COL18A1: variants seen among roughly 807,000 people sequenced by gnomAD.
The protein encoded by COL18A1 is collagen alpha-1(XVIII) chain.
A neutral mutation model predicts 168.0 loss-of-function variants in COL18A1; 133 were observed. The ratio of observed to expected loss-of-function variants is 0.79; its 90% CI spans 0.69 to 0.91. The LOEUF is 0.91. Among genes scored for constraint, COL18A1 ranks in the 40% least tolerant of loss-of-function variants. The pLI, the probability that COL18A1 is intolerant of heterozygous loss-of-function variation, is 0.00. For synonymous variants in COL18A1, 949 were observed against 809.0 expected, an observed-to-expected ratio of 1.17 and a Z score of -2.94; for missense variants, 2,126 against 1,925.4, an observed-to-expected ratio of 1.10 and a Z score of -1.95.
chr21:45,503,667 G>A (rs1452711665), intron 32 of COL18A1, among the ~76,000 whole-genome samples: 70 of 150,044 alleles, frequency 4.7e-4, no homozygotes, highest in South Asian at 1.3e-3. Context: ...GGATAGCATT[G>A]GGAGATATAC....
rs1429501232 is a variant in COL18A1 at position 45,477,837 on chromosome 21, C to G, written c.1093C>G (p.Pro365Ala). Residue 365 changes from proline (P) to alanine (A), a missense_variant, in exon 8 of 42, where the codon CCC (proline) becomes GCC (alanine). Pro to Ala is a conservative substitution (Grantham distance 27, BLOSUM62 -1). Coordinates refer to ENST00000651438, the MANE Select transcript of COL18A1 (RefSeq NM_001379500.1). ...GPPGSPCLPG[P>A]PGLPCPVSPL... ...CCCAGGATCCCCATGCCTACCTGGT[C>G]CCCCGGGTCTCCCGTGCCCAGTGAG... The G allele has an allele frequency of 6.4e-7, 1 of 1,552,756 alleles. No individual in the cohort carries two copies. Among genetic ancestry groups the G allele is most frequent in the Non-Finnish European group, 8.7e-7 (1 of 1,147,958 alleles).
chr21:45,506,985 TGCAGCCC>T, intron 37 of COL18A1: 1 of 279,488 alleles, frequency 3.6e-6, no homozygotes, highest in South Asian at 3.4e-5. Flanking sequence ...GGCACCCGGA[TGCAGCCC>T]CATCCTAACT....
At chr21:45,499,630 A>ATCC (rs2036671369) in intron 32 of COL18A1, among the ~76,000 whole-genome samples, 1 of 148,316 alleles carries the variant, frequency 6.7e-6, no homozygotes, top group African/African-American at 2.5e-5. Flanking sequence ...AGGAACCGGC[A>ATCC]CAGGCTGCAC....
chr21:45,451,300 G>T (rs1171833253), intron 2 of COL18A1, among the ~76,000 whole-genome samples: 1 of 152,354 alleles, frequency 6.6e-6, no homozygotes, highest in East Asian at 1.9e-4. Flanking sequence ...GTCAACCCAA[G>T]GTCAAACTCC....
rs138241136 is a variant in COL18A1 at position 45,495,715 on chromosome 21, TAC to T, written c.2508+286_2508+287del. The T allele has an allele frequency of 1.7e-3, 727 of 429,500 alleles. 5 individuals are homozygous for T. The highest frequency in any genetic ancestry group is 3.9e-3 in the African/African-American group (192 of 49,300). The allele number at this position is 429,500 out of a possible 1,614,324, so 26.6% of individuals were successfully genotyped here. ...ACATGCCCATACACACGCGCACACA[TAC>T]ACGCACACACACATCCACACGTGCT... On this transcript the variant is annotated intron_variant, in intron 29 of 41. Coordinates refer to ENST00000651438, the MANE Select transcript of COL18A1 (RefSeq NM_001379500.1).
intron 8 of COL18A1, 103 bp from the exon 9 acceptor site, chr21:45,478,224 G>T (rs1308480940): frequency 6.7e-7 from 1 of 1,500,184 alleles, no homozygotes; most frequent in South Asian, 1.1e-5. Flanking sequence ...GGCGTCTGCC[G>T]CCTCGTGGGG....
intron 2 of COL18A1, among the ~76,000 whole-genome samples, chr21:45,459,474 C>T (rs539715871): frequency 6.6e-6 from 1 of 152,352 alleles, no homozygotes; most frequent in South Asian, 2.1e-4. Flanking sequence ...GGTCCTGCTG[C>T]CTCCTGCCCG....
At chr21:45,436,373 G>T (rs1196623822) in intron 2 of COL18A1, among the ~76,000 whole-genome samples, 1 of 152,202 alleles carries the variant, frequency 6.6e-6, no homozygotes, top group Non-Finnish European at 1.5e-5. Flanking sequence ...GCGTGAGCTG[G>T]GCAGGGACGA....
Position 45,425,245 on chromosome 21 carries a change from C to T in COL18A1, c.106+19772C>T, listed in dbSNP as rs781097358. 9.2e-5 allele frequency among the ~76,000 whole-genome samples: 14 copies of T among 151,996 alleles called. No individual in the cohort carries two copies. Among genetic ancestry groups the T allele is most frequent in the Admixed American group, 5.9e-4 (9 of 15,260 alleles). On this transcript the variant is annotated intron_variant, in intron 2 of 41. Transcript: ENST00000651438. The surrounding 1 kb of genome is among the most constrained non-coding windows in gnomAD (Gnocchi z 4.1). ...TGAGTGCAGTGTGACCGCGTCCGCC[C>T]GTCTCCCCGGACACGCCTGTTGGAG...
intron 14 of COL18A1, 138 bp from the exon 15 acceptor site, chr21:45,482,657 C>T: frequency 7.6e-7 from 1 of 1,316,562 alleles, no homozygotes; most frequent in Non-Finnish European, 1.1e-6. Context: ...CGGCAACAGC[C>T]TCAGAAACTA....
chr21:45,500,390 GT>G (rs2036725297), intron 32 of COL18A1, among the ~76,000 whole-genome samples: 2 of 127,214 alleles, frequency 1.6e-5, no homozygotes, highest in African/African-American at 7.6e-5. Flanking sequence ...GGTGTGTGGA[GT>G]GTGTGTATGT....
At chr21:45,406,407 T>C (rs971558685) in intron 2 of COL18A1, among the ~76,000 whole-genome samples, 5 of 152,258 alleles carry the variant, frequency 3.3e-5, no homozygotes, top group Admixed American at 6.5e-5. Context: ...ATTTGTTTCA[T>C]TGTTTCCAAT....
chr21:45,505,010 G>A (rs1411059719), intron 34 of COL18A1, 124 bp from the exon 35 acceptor site: 26 of 1,251,060 alleles, frequency 2.1e-5, no homozygotes, highest in Non-Finnish European at 2.9e-5. Flanking sequence ...TGGGCAGGGA[G>A]GGGACCGGTG....
chr21:45,412,350 CCTCAGCCT>C (rs1464036158), intron 2 of COL18A1, among the ~76,000 whole-genome samples: 1 of 151,322 alleles, frequency 6.6e-6, no homozygotes, highest in African/African-American at 2.4e-5. Flanking sequence ...GATTCTCCTG[CCTCAGCCT>C]CCTGAGTAGC....
intron 2 of COL18A1, among the ~76,000 whole-genome samples, chr21:45,426,329 T>C (rs1262956099): frequency 6.6e-6 from 1 of 152,180 alleles, no homozygotes; most frequent in African/African-American, 2.4e-5. Context: ...GGTCTCGAAC[T>C]CCTGACCTCA....
At chr21:45,496,663 C>G in intron 30 of COL18A1, 95 bp downstream of exon 30, 3 of 776,688 alleles carry the variant, frequency 3.9e-6, no homozygotes, top group Non-Finnish European at 7.1e-6. Flanking sequence ...CTGGCCTCTG[C>G]GTCTGGGGGT....
chr21:45,437,883 C>T (rs1194138927), intron 2 of COL18A1, among the ~76,000 whole-genome samples: 1 of 70,188 alleles, frequency 1.4e-5, no homozygotes, highest in Non-Finnish European at 2.5e-5. Flanking sequence ...CACAGGCACT[C>T]TCCTGCACAC....
chr21:45,506,295 C>T lies in COL18A1; in HGVS notation c.3216+329C>T, dbSNP rs554535810. On this transcript the variant is annotated intron_variant, in intron 37 of 41. Transcript: ENST00000651438. ...AGACAAGGCGCCTGACGGGACGAGG[C>T]GGCAGGGGGGCTCAGGCCCTCCAGG... The T allele has an allele frequency of 8.0e-5, 30 of 376,898 alleles. 1 individual carries two copies. The East Asian group carries it at 8.4e-4, about 11-fold the overall frequency. 23.3% of individuals were successfully genotyped at this position (376,898 alleles called of 1,614,324 possible).
rs763024395 is a variant in COL18A1, at chr21:45,488,447, C to T, written c.1923+3C>T. 1.2e-5 allele frequency: 20 copies of T among 1,613,898 alleles called. No individual in the cohort carries two copies. The highest frequency in any genetic ancestry group is 1.6e-5 in the Non-Finnish European group (19 of 1,180,000). ...CTCCCGGCCTGCCGGGACTTAAGGT[C>T]AGTGACGGATATGTCTGGGTTTCTG... On this transcript the variant is annotated splice_donor_region_variant and intron_variant, in intron 18 of 41. Transcript: ENST00000651438.
Sources: gnomAD v4.1 joint callset for allele counts (sites outside exome capture counted in the v4.1 genomes callset) on GRCh38, gnomAD v4.1.1 for gene constraint, Gnocchi (gnomAD v3.1) non-coding constraint, MANE v1.5 for transcripts, NCBI Gene and HGNC (gene_info 2026-07-23, HGNC 2026-07-21) for gene names.